Variants in MSRB3 observed in about 807,000 individuals in gnomAD.
MSRB3 encodes methionine sulfoxide reductase B3.
In MSRB3, 13 loss-of-function variants were observed where a neutral mutation model predicts 21.0. The observed-to-expected ratio is 0.62, with a 90% CI of 0.40 to 0.98. The LOEUF is 0.98. Ranked by LOEUF, MSRB3 falls within the 50% of genes least tolerant of loss-of-function variation. The pLI, the probability that MSRB3 is intolerant of heterozygous loss-of-function variation, is 0.00. For synonymous variants in MSRB3, 87 were observed against 88.6 expected (o/e 0.98, Z 0.10); for missense variants, 199 against 230.3 (o/e 0.86, Z 0.88).
intron 4 of MSRB3, among the ~76,000 whole-genome samples, chr12:65,329,675 T>G (rs1374958651): frequency 6.6e-6 from 1 of 152,064 alleles, no homozygotes; most frequent in Non-Finnish European, 1.5e-5. Context: ...AAATGTCATT[T>G]ATTTAAAATG....
At chr12:65,319,824 G>A (rs1874543794) in intron 2 of MSRB3, among the ~76,000 whole-genome samples, 1 of 152,166 alleles carries the variant, frequency 6.6e-6, no homozygotes, top group African/African-American at 2.4e-5. Context: ...GCCCATTTAA[G>A]TAGTACCTTG....
intron 1 of MSRB3, among the ~76,000 whole-genome samples, chr12:65,303,057 T>C (rs186107309): frequency 4.4e-4 from 67 of 152,232 alleles, no homozygotes; most frequent in Non-Finnish European, 4.4e-4. Context: ...AACTCAAAAC[T>C]GTTGGCTCCT....
chr12:65,369,880 A>C (rs890806754), intron 5 of MSRB3, among the ~76,000 whole-genome samples: 4 of 152,178 alleles, frequency 2.6e-5, no homozygotes. Flanking sequence ...AAGTTTCACT[A>C]TATGGTAACT....
At chr12:65,303,387 A>T (rs1185836525) in intron 1 of MSRB3, among the ~76,000 whole-genome samples, 2 of 152,172 alleles carry the variant, frequency 1.3e-5, no homozygotes, top group African/African-American at 4.8e-5. Context: ...GGAGATGAAG[A>T]AGTAGAGATT....
At chr12:65,367,100 C>T (rs1057363849) in intron 4 of MSRB3, among the ~76,000 whole-genome samples, 1 of 152,138 alleles carries the variant, frequency 6.6e-6, no homozygotes, top group African/African-American at 2.4e-5. Context: ...TCTGATAAAC[C>T]TTAGCAAAGG....
intron 4 of MSRB3, among the ~76,000 whole-genome samples, chr12:65,338,921 A>G (rs921330917): frequency 2.6e-5 from 4 of 151,970 alleles, no homozygotes; most frequent in East Asian, 1.9e-4. Flanking sequence ...CTAAAACACA[A>G]AAGAAATTAG....
chr12:65,313,684 C>A (rs1030938890), intron 2 of MSRB3, among the ~76,000 whole-genome samples: 1 of 152,166 alleles, frequency 6.6e-6, no homozygotes, highest in East Asian at 1.9e-4. Flanking sequence ...TAAAGGAATT[C>A]TCTCCCTTGT....
intron 5 of MSRB3, among the ~76,000 whole-genome samples, chr12:65,397,134 T>C (rs1296922855): frequency 3.3e-5 from 5 of 152,202 alleles, no homozygotes; most frequent in African/African-American, 1.2e-4. Context: ...TCCCTGATAA[T>C]TTTCTTTGAG....
intron 5 of MSRB3, among the ~76,000 whole-genome samples, chr12:65,379,052 A>G (rs1878793927): frequency 6.6e-6 from 1 of 152,234 alleles, no homozygotes; most frequent in Non-Finnish European, 1.5e-5. Context: ...AACAAATTGA[A>G]TGTTTAGTTT....
In MSRB3 at chr12:65,419,843, CCCCAAG is replaced by C. The variant is rs1881186781; in HGVS notation, c.293-33883_293-33878del. 1.1e-5 allele frequency: 8 copies of C among 738,686 alleles called. No individual in the cohort carries two copies. In the Admixed American group the frequency reaches 1.3e-4, roughly 12 times the overall value. The allele number at this position is 738,686 out of a possible 1,614,324, so 45.8% of individuals were successfully genotyped here. A position where few individuals can be genotyped will look rare whatever the true frequency, so the allele number is the denominator to read the frequency against. ...CCATCCCTCCGGCCAGGCCCCTGGACCCCAAGCAGCCCCGGAAGCTGGTGGAGCAGG... is the reference window on the plus strand; with the variant it reads ...CCATCCCTCCGGCCAGGCCCCTGGACCAGCCCCGGAAGCTGGTGGAGCAGG... On this transcript the variant is annotated intron_variant, in intron 5 of 6. Coordinates refer to ENST00000308259, the MANE Select transcript of MSRB3 (RefSeq NM_001031679.3).
intron 4 of MSRB3, among the ~76,000 whole-genome samples, chr12:65,337,724 AT>A (rs150904342): frequency 0.023 from 3,500 of 152,298 alleles, 131 homozygotes; most frequent in African/African-American, 0.081. Flanking sequence ...CTAAGTCGGT[AT>A]AACTGGCTTT....
chr12:65,348,840 A>G (rs1349550134), intron 4 of MSRB3, among the ~76,000 whole-genome samples: 1 of 152,060 alleles, frequency 6.6e-6, no homozygotes, highest in Non-Finnish European at 1.5e-5. Context: ...TCATTTCGTT[A>G]TGTACCCAGT....
chr12:65,457,993 G>A (rs1883167009), intron 6 of MSRB3, among the ~76,000 whole-genome samples: 1 of 152,094 alleles, frequency 6.6e-6, no homozygotes, highest in Non-Finnish European at 1.5e-5. Flanking sequence ...CCTCAATATG[G>A]TTTGTGTTAT....
At chr12:65,365,656 G>A (rs61921479) in intron 4 of MSRB3, among the ~76,000 whole-genome samples, 8,101 of 152,180 alleles carry the variant, frequency 0.053, 317 homozygotes, top group Non-Finnish European at 0.078. Flanking sequence ...CTGGGCAAGA[G>A]GACAAATGGT....
intron 4 of MSRB3, among the ~76,000 whole-genome samples, chr12:65,367,817 C>T (rs946873596): frequency 3.3e-5 from 5 of 152,088 alleles, no homozygotes; most frequent in East Asian, 1.9e-4. Flanking sequence ...ACCAGGATTA[C>T]GGCAGTGGTG....
chr12:65,389,783 ATC>A (rs1879380142), intron 5 of MSRB3, among the ~76,000 whole-genome samples: 2 of 152,178 alleles, frequency 1.3e-5, no homozygotes, highest in Admixed American at 6.5e-5. Context: ...ATCCTCAACC[ATC>A]TGCTTTCAGT....
rs1258597753 is a variant in MSRB3, at chr12:65,308,563, G to C, written c.-17G>C. On this transcript the variant is annotated 5_prime_UTR_variant, in exon 2 of 7. Transcript: ENST00000308259. Reference sequence around the variant, plus strand: ...CTGTTCTTTGCTTCTCGTTTTGTTGGTGAAGATATCACAGTGATGTCTGCA... The same window carrying C: ...CTGTTCTTTGCTTCTCGTTTTGTTGCTGAAGATATCACAGTGATGTCTGCA... 3.7e-6 allele frequency: 6 copies of C among 1,613,612 alleles called. No individual in the cohort carries two copies. The highest frequency in any genetic ancestry group is 5.1e-6 in the Non-Finnish European group (6 of 1,179,818).
At chr12:65,441,188 G>A (rs146478899) in intron 5 of MSRB3, among the ~76,000 whole-genome samples, 6 of 152,036 alleles carry the variant, frequency 3.9e-5, no homozygotes, top group African/African-American at 1.2e-4. Flanking sequence ...TCAGTGGTCA[G>A]TTTTAAAGCC....
At chr12:65,365,121 A>G (rs1262285890) in intron 4 of MSRB3, among the ~76,000 whole-genome samples, 8 of 150,548 alleles carry the variant, frequency 5.3e-5, no homozygotes, top group Non-Finnish European at 5.9e-5. Context: ...AGACATTTTG[A>G]TCATTTATCT....
Sources: allele counts gnomAD v4.1 joint callset (sites outside exome capture counted in the v4.1 genomes callset), GRCh38; gene constraint gnomAD v4.1.1; transcripts MANE v1.5; gene names NCBI Gene and HGNC (gene_info 2026-07-23, HGNC 2026-07-21).